The following TLK1 variants were observed in gnomAD, a reference collection of about 807,000 sequenced individuals.
TLK1 encodes serine/threonine-protein kinase tousled-like 1.
TLK1 carries 24 observed loss-of-function variants against 105.3 expected under a neutral mutation model. The observed-to-expected ratio is 0.23, with a 90% CI of 0.17 to 0.32. TLK1 has a LOEUF of 0.32. Ranked by LOEUF, TLK1 falls within the 10% of genes least tolerant of loss-of-function variation. The pLI is 1.00. For synonymous variants in TLK1, 321 were observed against 310.4 expected, an observed-to-expected ratio of 1.03 and a Z score of -0.36; for missense variants, 558 against 910.5, an observed-to-expected ratio of 0.61 and a Z score of 4.98.
intron 3 of TLK1, chr2:171,066,709 AT>A (rs1377066542): frequency 7.9e-6 from 7 of 883,518 alleles, no homozygotes; most frequent in African/African-American, 1.7e-5. Context: ...TTTGTCTGTT[AT>A]TTTCTTATCA....
chr2:171,209,770 C>T (rs1693577278), intron 1 of TLK1, among the ~76,000 whole-genome samples: 1 of 152,094 alleles, frequency 6.6e-6, no homozygotes, highest in Non-Finnish European at 1.5e-5. Flanking sequence ...CATATGAAGA[C>T]AGAGAGAAAA....
intron 12 of TLK1, among the ~76,000 whole-genome samples, chr2:171,019,919 G>A (rs1685407594): frequency 6.6e-6 from 1 of 151,910 alleles, no homozygotes. Flanking sequence ...TAAGCCAGAC[G>A]TGGTGGTGCT....
intron 1 of TLK1, among the ~76,000 whole-genome samples, chr2:171,222,918 G>A (rs1418063053): frequency 6.6e-6 from 1 of 152,098 alleles, no homozygotes; most frequent in African/African-American, 2.4e-5. Flanking sequence ...AGGTTCAAGT[G>A]ATTCTCTTGC....
chr2:171,201,179 C>T (rs990912637), intron 1 of TLK1, among the ~76,000 whole-genome samples: 3 of 152,052 alleles, frequency 2.0e-5, no homozygotes, highest in Non-Finnish European at 4.4e-5. Context: ...CCACCGCACC[C>T]GGCCTCAAAT....
rs538246059 is a variant in TLK1, at chr2:171,085,060, T to G, written c.259-2208A>C. 1.2e-4 allele frequency among the ~76,000 whole-genome samples: 18 copies of G among 152,212 alleles called. No individual in the cohort carries two copies. In the East Asian group the frequency reaches 2.1e-3, roughly 18 times the overall value. ...GATAACAGAAGACCCTAAAAACTAC[T>G]AAAGCCAGAAAATAGTAAAAACTGT... On this transcript the variant is annotated intron_variant, in intron 2 of 20. Transcript: ENST00000431350.
intron 1 of TLK1, among the ~76,000 whole-genome samples, chr2:171,180,977 G>A (rs920695498): frequency 2.0e-5 from 3 of 152,126 alleles, no homozygotes; most frequent in Admixed American, 2.0e-4. Flanking sequence ...AATGGTTGAG[G>A]AGTTAAAGTT....
intron 1 of TLK1, among the ~76,000 whole-genome samples, chr2:171,153,148 G>T (rs1558971169): frequency 6.6e-6 from 1 of 152,096 alleles, no homozygotes; most frequent in East Asian, 1.9e-4. Flanking sequence ...CATATTTTAG[G>T]CAATATATCC....
At chr2:171,079,231 G>T (rs1475271589) in intron 3 of TLK1, among the ~76,000 whole-genome samples, 2 of 152,260 alleles carry the variant, frequency 1.3e-5, no homozygotes, top group East Asian at 3.9e-4. Flanking sequence ...TCTGTCTTAT[G>T]GGATGAATTC....
At chr2:171,054,906 G>C (rs975809197) in intron 7 of TLK1, 177 bp downstream of exon 7, 4 of 385,726 alleles carry the variant, frequency 1.0e-5, no homozygotes, top group Admixed American at 9.2e-5. Flanking sequence ...TAAATTGTGT[G>C]TTTCAGTTTC....
chr2:171,121,502 C>T (rs1024316780), intron 1 of TLK1, among the ~76,000 whole-genome samples: 3 of 152,142 alleles, frequency 2.0e-5, no homozygotes, highest in African/African-American at 4.8e-5. Flanking sequence ...CTGCACTCCA[C>T]GCTGGGTGAC....
At chr2:171,080,315 G>T (rs1055972528) in intron 3 of TLK1, among the ~76,000 whole-genome samples, 11 of 151,640 alleles carry the variant, frequency 7.3e-5, no homozygotes, top group Admixed American at 1.3e-4. Flanking sequence ...AGTGACATCA[G>T]AAGACAATGA....
rs112580538 is a variant in TLK1 at position 171,101,797 on chromosome 2, GT to G, written c.258+15941del. On this transcript the variant is annotated intron_variant, in intron 2 of 20. Coordinates refer to ENST00000431350, the MANE Select transcript of TLK1 (RefSeq NM_012290.5). Reference sequence around the variant, plus strand: ...AGACTTGAGGCCTTCAAAAGAATAGGTTTTTTTAAAAAACACCCATGAGACA... The same window carrying G: ...AGACTTGAGGCCTTCAAAAGAATAGGTTTTTTAAAAAACACCCATGAGACA... 2.3e-3 allele frequency among the ~76,000 whole-genome samples: 350 copies of G among 152,008 alleles called. 1 individual carries two copies. Among genetic ancestry groups the G allele is most frequent in the African/African-American group, 7.3e-3 (301 of 41,462 alleles).
At chr2:171,190,179 T>G (rs997150127) in intron 1 of TLK1, among the ~76,000 whole-genome samples, 3 of 152,198 alleles carry the variant, frequency 2.0e-5, no homozygotes, top group African/African-American at 7.2e-5. Flanking sequence ...CAAGGGTTTT[T>G]GGGAGATGAA....
At chr2:171,225,805 C>A (rs1693886894) in intron 1 of TLK1, among the ~76,000 whole-genome samples, 1 of 152,216 alleles carries the variant, frequency 6.6e-6, no homozygotes, top group African/African-American at 2.4e-5. Flanking sequence ...TTTTCTGAAA[C>A]AATCTTTCCC....
rs142459289 is a variant in TLK1, at chr2:171,052,312, T to C, written c.732+1449A>G. The stretch of plus-strand genomic sequence containing the variant: ...AAAAACCTTGAGAAATAACTGGTAT[T>C]ATACAGTAAAATGGAAAATGCGTAT... On this transcript the variant is annotated intron_variant, in intron 8 of 20. Coordinates refer to ENST00000431350, the MANE Select transcript of TLK1 (RefSeq NM_012290.5). Among the ~76,000 whole-genome samples, 457 of 152,242 alleles carry C rather than the reference T, an allele frequency of 3.0e-3. 1 individual carries two copies. Among genetic ancestry groups the C allele is most frequent in the African/African-American group, 0.01 (422 of 41,550 alleles).
chr2:171,057,569 T>TG, intron 5 of TLK1, among the ~76,000 whole-genome samples: 1 of 151,920 alleles, frequency 6.6e-6, no homozygotes, highest in Admixed American at 6.5e-5. Flanking sequence ...AAAGCAGTGG[T>TG]GGAAAAAAAA....
chr2:171,110,396 G>T (rs1690112093), intron 2 of TLK1, among the ~76,000 whole-genome samples: 1 of 152,242 alleles, frequency 6.6e-6, no homozygotes, highest in African/African-American at 2.4e-5. Flanking sequence ...TTGAACCTGG[G>T]AAGTGGAGGT....
At chr2:171,197,343 T>G (rs969554321) in intron 1 of TLK1, among the ~76,000 whole-genome samples, 2 of 152,182 alleles carry the variant, frequency 1.3e-5, no homozygotes, top group East Asian at 3.8e-4. Flanking sequence ...ATATTTTCTT[T>G]TATATAGCTT....
At chr2:171,159,202 T>C (rs1692352654) in intron 1 of TLK1, among the ~76,000 whole-genome samples, 1 of 152,198 alleles carries the variant, frequency 6.6e-6, no homozygotes, top group African/African-American at 2.4e-5. Context: ...TTCCAGACAT[T>C]TGAAAATGTG....
Sources: gnomAD v4.1 joint callset for allele counts (sites outside exome capture counted in the v4.1 genomes callset) on GRCh38, gnomAD v4.1.1 for gene constraint, MANE v1.5 for transcripts, NCBI Gene and HGNC (gene_info 2026-07-23, HGNC 2026-07-21) for gene names.